The following IQCM variants were observed in gnomAD, a reference collection of about 807,000 sequenced individuals.
The protein encoded by IQCM is IQ domain-containing protein M.
In IQCM, 45 loss-of-function variants were observed where a neutral mutation model predicts 57.6. That is an observed-to-expected ratio of 0.78 (90% CI 0.62 to 1.00). The LOEUF (loss-of-function observed/expected upper bound fraction) is 1.00, where lower values mean the gene tolerates loss of function less well. Ranked by LOEUF, IQCM falls within the 50% of genes least tolerant of loss-of-function variation. IQCM has a pLI of 0.00. For synonymous variants in IQCM, 148 were observed against 158.9 expected (o/e 0.93, Z 0.51); for missense variants, 468 against 511.6 (o/e 0.91, Z 0.82).
intron 10 of IQCM, among the ~76,000 whole-genome samples, chr4:149,562,642 C>G (rs1191055465): frequency 6.6e-6 from 1 of 152,052 alleles, no homozygotes; most frequent in Non-Finnish European, 1.5e-5. Flanking sequence ...TTTTTTTCAG[C>G]AATGAAATAG....
intron 12 of IQCM, among the ~76,000 whole-genome samples, chr4:149,508,598 G>A (rs1297927188): frequency 1.3e-5 from 2 of 152,212 alleles, no homozygotes; most frequent in Non-Finnish European, 2.9e-5. Flanking sequence ...CCCAATGCCT[G>A]TACCCGTATG....
chr4:149,715,890 T>C (rs1764948695), intron 5 of IQCM, among the ~76,000 whole-genome samples: 1 of 152,198 alleles, frequency 6.6e-6, no homozygotes, highest in African/African-American at 2.4e-5. Context: ...TGGGTGGCTC[T>C]TATCTGCAGA....
chr4:149,517,114 G>GA (rs34555374), intron 12 of IQCM, among the ~76,000 whole-genome samples: 20,405 of 83,856 alleles, frequency 0.24, 2,941 homozygotes, highest in African/African-American at 0.32. Context: ...ACTCCACCAG[G>GA]AAAAAAAAAA....
At chr4:149,407,571 T>TA (rs149057201) in intron 13 of IQCM, among the ~76,000 whole-genome samples, 2,206 of 152,250 alleles carry the variant, frequency 0.014, 38 homozygotes, top group African/African-American at 0.042. Context: ...GATTTTTTTT[T>TA]AATTTTCTGT....
chr4:149,510,915 T>G (rs1397150584), intron 12 of IQCM, among the ~76,000 whole-genome samples: 1 of 152,240 alleles, frequency 6.6e-6, no homozygotes, highest in African/African-American at 2.4e-5. Context: ...AAGTTATTAC[T>G]TGTCTCTTTC....
In IQCM at chr4:149,749,804, CTTCTT is replaced by C. The variant is rs773049899; in HGVS notation, c.-48-7070_-48-7066del. Among the ~76,000 whole-genome samples, 17 of 152,268 alleles carry C rather than the reference CTTCTT, an allele frequency of 1.1e-4. No individual in the cohort carries two copies. The East Asian group carries it at 3.3e-3, about 29-fold the overall frequency. On this transcript the variant is annotated intron_variant, in intron 2 of 13. Coordinates refer to ENST00000636793, the MANE Select transcript of IQCM (RefSeq NM_001363507.2). Reference sequence around the variant, plus strand: ...AGTCATTACAGGTGGTTCCATTTCTCTTCTTACACTCACTCAAAAGAAATATGAAG... The same window carrying C: ...AGTCATTACAGGTGGTTCCATTTCTCACACTCACTCAAAAGAAATATGAAG...
intron 13 of IQCM, among the ~76,000 whole-genome samples, chr4:149,418,792 A>G (rs1384633981): frequency 6.6e-6 from 1 of 152,174 alleles, no homozygotes; most frequent in Non-Finnish European, 1.5e-5. Context: ...AACTTCAGCA[A>G]GGTCTCAGGA....
chr4:149,380,865 T>A (rs578254624), intron 13 of IQCM, among the ~76,000 whole-genome samples: 5 of 152,290 alleles, frequency 3.3e-5, no homozygotes, highest in African/African-American at 1.2e-4. Flanking sequence ...GAATACCACT[T>A]TTGCTCAGAA....
At position 149,452,654 on chromosome 4, in the gene IQCM, G is replaced by A. The variant is rs532528882; in HGVS notation, c.1229-19097C>T. Among the ~76,000 whole-genome samples the A allele has an allele frequency of 3.3e-5, 5 of 151,632 alleles. No individual in the cohort carries two copies. In the South Asian group the frequency reaches 1.0e-3, roughly 31 times the overall value. On this transcript the variant is annotated intron_variant, in intron 12 of 13. Coordinates refer to ENST00000636793, the MANE Select transcript of IQCM (RefSeq NM_001363507.2). ...TAGTGTATACATATTGTGCATAAGT[G>A]TATACCCATGAAACTATCACCATCA... is the stretch of plus-strand genomic sequence containing the variant.
intron 13 of IQCM, among the ~76,000 whole-genome samples, chr4:149,419,657 A>G (rs1733988769): frequency 6.6e-6 from 1 of 152,280 alleles, no homozygotes; most frequent in East Asian, 1.9e-4. Context: ...TGATTAAACT[A>G]AAGAGTTTCT....
intron 12 of IQCM, among the ~76,000 whole-genome samples, chr4:149,513,572 C>T (rs919983578): frequency 6.6e-6 from 1 of 152,100 alleles, no homozygotes; most frequent in Non-Finnish European, 1.5e-5. Flanking sequence ...AGAGAAGCAA[C>T]TCATAGTGTT....
chr4:149,805,452 A>G (rs1419282067), intron 2 of IQCM, among the ~76,000 whole-genome samples: 1 of 152,054 alleles, frequency 6.6e-6, no homozygotes, highest in Non-Finnish European at 1.5e-5. Context: ...TTCTAGCCAC[A>G]TGAAACCAAG....
At chr4:149,453,524 A>G (rs1048525265) in intron 12 of IQCM, among the ~76,000 whole-genome samples, 5 of 151,894 alleles carry the variant, frequency 3.3e-5, no homozygotes, top group Admixed American at 6.6e-5. Flanking sequence ...ACAACTCAAC[A>G]ATAAAAAAGA....
chr4:149,666,527 C>G (rs1760740128), intron 7 of IQCM, among the ~76,000 whole-genome samples: 1 of 152,106 alleles, frequency 6.6e-6, no homozygotes, highest in African/African-American at 2.4e-5. Context: ...GAGCTAGCTG[C>G]AGGAGTTTTT....
chr4:149,610,140 A>G (rs1049168577), intron 8 of IQCM, among the ~76,000 whole-genome samples: 4 of 151,870 alleles, frequency 2.6e-5, no homozygotes, highest in Non-Finnish European at 4.4e-5. Context: ...AATAGCCACA[A>G]ATAAAAACAC....
intron 7 of IQCM, among the ~76,000 whole-genome samples, chr4:149,639,386 G>C (rs111705409): frequency 6.7e-6 from 1 of 148,960 alleles, no homozygotes; most frequent in Non-Finnish European, 1.5e-5. Flanking sequence ...TGATCGTGCC[G>C]CTGCACTCCA....
intron 13 of IQCM, among the ~76,000 whole-genome samples, chr4:149,396,078 T>C (rs1732207404): frequency 6.6e-6 from 1 of 151,972 alleles, no homozygotes. Flanking sequence ...ATGTCAATCA[T>C]GTCTAATATT....
At chr4:149,808,946 CTTT>C (rs1233125739) in intron 2 of IQCM, among the ~76,000 whole-genome samples, 1 of 152,032 alleles carries the variant, frequency 6.6e-6, no homozygotes, top group Non-Finnish European at 1.5e-5. Flanking sequence ...GTAGCAAACA[CTTT>C]TGAAGATGTT....
intron 7 of IQCM, among the ~76,000 whole-genome samples, chr4:149,632,383 G>A (rs1033342177): frequency 4.6e-5 from 7 of 152,206 alleles, no homozygotes; most frequent in Non-Finnish European, 8.8e-5. Flanking sequence ...GGTTATGTAT[G>A]AGCTACAATA....
Sources: allele counts gnomAD v4.1 joint callset (sites outside exome capture counted in the v4.1 genomes callset), GRCh38; gene constraint gnomAD v4.1.1; transcripts MANE v1.5; gene names NCBI Gene and HGNC (gene_info 2026-07-23, HGNC 2026-07-21).